The following DTYMK variants were observed in gnomAD, a reference collection of about 807,000 sequenced individuals.
DTYMK encodes thymidylate kinase.
DTYMK carries 20 observed loss-of-function variants against 20.3 expected under a neutral mutation model. That is an observed-to-expected ratio of 0.99 (90% confidence interval 0.69 to 1.43). The LOEUF is 1.43. Among genes scored for constraint, DTYMK ranks in the 40% most tolerant of loss-of-function variants. The probability of loss-of-function intolerance (pLI) is 0.00; values close to 1 mark genes in which losing one functional copy is unlikely to be tolerated. For synonymous variants in DTYMK, 148 were observed against 124.4 expected (o/e 1.19, Z -1.27); for missense variants, 320 against 291.1 (o/e 1.10, Z -0.72).
At position 241,675,968 on chromosome 2, in the gene DTYMK, C is replaced by T. The variant is rs1397904767; in HGVS notation, c.*159G>A. The T allele has an allele frequency of 1.4e-6, 1 of 709,762 alleles. No homozygotes were observed. The highest frequency in any genetic ancestry group is 3.2e-5 in the Admixed American group (1 of 31,512). The allele number at this position is 709,762 out of a possible 1,614,324, so 44.0% of individuals were successfully genotyped here. A position where few individuals can be genotyped will look rare whatever the true frequency, so the allele number is the denominator to read the frequency against. On this transcript the variant is annotated 3_prime_UTR_variant, in exon 5 of 5. Coordinates refer to ENST00000305784, the MANE Select transcript of DTYMK (RefSeq NM_012145.4). ...CCCACCACGGGGGTCCCCAGTGCAC[C>T]CCAGCTCCGGGGCAGAAGAGGCAGC...
Position 241,685,763 on chromosome 2 carries a change from T to C in DTYMK, c.239+6A>G. 4 of 1,613,594 alleles carry C rather than the reference T, an allele frequency of 2.5e-6. No individual in the cohort carries two copies. Among genetic ancestry groups the C allele is most frequent in the Non-Finnish European group, 3.4e-6 (4 of 1,179,586 alleles). On this transcript the variant is annotated splice_donor_region_variant and intron_variant, in intron 2 of 4. Transcript: ENST00000305784. ...GGCAGAGGGAGCAGTGTGCAATGGT[T>C]TTTACACTTGTTCCCAGCGATTTGC...
At chr2:241,684,904 G>A (rs546147596) in intron 2 of DTYMK, among the ~76,000 whole-genome samples, 4 of 151,924 alleles carry the variant, frequency 2.6e-5, no homozygotes, top group East Asian at 1.9e-4. Flanking sequence ...TGTAGGGAGC[G>A]CTCTACATAC....
chr2:241,683,284 G>C (rs1032501583), intron 2 of DTYMK, among the ~76,000 whole-genome samples: 3 of 152,230 alleles, frequency 2.0e-5, no homozygotes, highest in African/African-American at 7.2e-5. Context: ...AGGGTCTGGA[G>C]CAATAGCAAC....
rs1002367861 is a variant in DTYMK at position 241,675,977 on chromosome 2, G to A, written c.*150C>T. 21 of 754,016 alleles carry A rather than the reference G, an allele frequency of 2.8e-5. No homozygotes were observed. Among genetic ancestry groups the A allele is most frequent in the African/African-American group, 1.8e-4 (10 of 55,840 alleles). 46.7% of individuals were successfully genotyped at this position (754,016 alleles called of 1,614,324 possible). On this transcript the variant is annotated 3_prime_UTR_variant, in exon 5 of 5. Coordinates refer to ENST00000305784, the MANE Select transcript of DTYMK (RefSeq NM_012145.4). ...GGGGTCCCCAGTGCACCCCAGCTCC[G>A]GGGCAGAAGAGGCAGCCTGCAGATC...
At chr2:241,678,782 T>A in intron 3 of DTYMK, 133 bp from the exon 4 acceptor site, 1 of 1,037,492 alleles carries the variant, frequency 9.6e-7, no homozygotes, top group Non-Finnish European at 1.4e-6. Flanking sequence ...TTGTGGCTCG[T>A]TTAATTTTTA....
At chr2:241,676,282 G>A (rs375960953) in intron 4 of DTYMK, 45 bp from the exon 5 acceptor site, 11 of 1,560,482 alleles carry the variant, frequency 7.0e-6, no homozygotes, top group Middle Eastern at 2.1e-4. Flanking sequence ...TCATCAGCAC[G>A]TTCCAGGCTG....
intron 2 of DTYMK, chr2:241,682,479 A>C (rs954320254): frequency 1.8e-5 from 5 of 284,776 alleles, no homozygotes; most frequent in Non-Finnish European, 3.5e-5. Context: ...ATAAGAAATC[A>C]ACCAACCCCC....
chr2:241,678,525 T>C lies in DTYMK; in HGVS notation c.455A>G (p.Glu152Gly). 6.2e-7 allele frequency: 1 copy of C among 1,614,212 alleles called. No individual in the cohort carries two copies. ...CGCCCGCTCCTGGAAAGCCCCGTTC[T>C]CATAGCGCTCATGGCCAAACGCTCC... is the stretch of plus-strand genomic sequence containing the variant. ...KRGAFGHERYENGAFQERALR... is the reference protein window; with the variant it reads ...KRGAFGHERYGNGAFQERALR... The change falls in exon 4 of 5, where the codon GAG becomes GGG. Residue 152 changes from glutamate to glycine, a missense_variant. By Grantham distance (98) the Glu-to-Gly change is moderately conservative (BLOSUM62 -2). Coordinates refer to ENST00000305784, the MANE Select transcript of DTYMK (RefSeq NM_012145.4).
At chr2:241,678,684 G>A (rs749106283) in intron 3 of DTYMK, 35 bp from the exon 4 acceptor site, 27 of 1,602,778 alleles carry the variant, frequency 1.7e-5, no homozygotes, top group Non-Finnish European at 2.3e-5. Context: ...AAAGCTTAGT[G>A]TAGTCTAGGT....
At chr2:241,685,981 G>C (rs1386166384) in intron 1 of DTYMK, 104 bp from the exon 2 acceptor site, 1 of 1,188,398 alleles carries the variant, frequency 8.4e-7, no homozygotes, top group East Asian at 2.4e-5. Flanking sequence ...GTCTCACGTT[G>C]AATTTTACTT....
rs377554913 is a variant in DTYMK, at chr2:241,678,504, C to T, written c.476G>A (p.Arg159Gln). 1.5e-5 allele frequency: 24 copies of T among 1,614,076 alleles called. No individual in the cohort carries two copies. The Admixed American group carries it at 1.7e-4, about 11-fold the overall frequency. The change falls in exon 4 of 5, where the codon CGG (arginine) becomes CAG (glutamine). Residue 159 changes from arginine to glutamine, a missense_variant. By Grantham distance (43) the Arg-to-Gln change is conservative. Transcript: ENST00000305784. ...GAGCTGGTGGAAACACCGGAGCGCC[C>T]GCTCCTGGAAAGCCCCGTTCTCATA... ...ERYENGAFQE[R>Q]ALRCFHQLMK...
chr2:241,685,031 TA>T (rs113063977), intron 2 of DTYMK: 4,286 of 144,502 alleles, frequency 0.03, 10 homozygotes, highest in South Asian at 0.08. Context: ...GACTCTACAT[TA>T]AAAAAAAAAA....
chr2:241,686,021 C>A (rs571044936), intron 1 of DTYMK, 144 bp from the exon 2 acceptor site: 15 of 746,534 alleles, frequency 2.0e-5, no homozygotes, highest in Non-Finnish European at 3.1e-5. Flanking sequence ...CTTGGATCTT[C>A]TGCGGAAGCC....
In DTYMK at chr2:241,676,198, C is replaced by T. The variant is rs2069112572; in HGVS notation, c.568G>A (p.Asp190Asn). Residue 190 changes from aspartate (D) to asparagine (N), a missense_variant, in exon 5 of 5, where the codon GAC becomes AAC. By Grantham distance (23) the Asp-to-Asn change is conservative. Transcript: ENST00000305784. ...ASKSIEAVHE[D>N]IRVLSEDAIR... The stretch of plus-strand genomic sequence containing the variant: ...GCGTCCTCAGAGAGCACGCGGATGT[C>T]CTCATGGACAGCTTCGATGCTTTTG... 2.5e-6 allele frequency: 4 copies of T among 1,613,262 alleles called. No homozygotes were observed. The highest frequency in any genetic ancestry group is 3.4e-6 in the Non-Finnish European group (4 of 1,179,862).
rs1553575077 is a variant in DTYMK at position 241,679,971 on chromosome 2, C to CCA, written c.330+257_330+258insTG. Among the ~76,000 whole-genome samples the CCA allele has an allele frequency of 2.1e-3, 212 of 101,860 alleles. 3 individuals carry two copies. The highest frequency in any genetic ancestry group is 5.9e-3 in the Middle Eastern group (1 of 170). 66.8% of individuals were successfully genotyped at this position (101,860 alleles called of 152,430 possible). A position where few individuals can be genotyped will look rare whatever the true frequency, so the allele number is the denominator to read the frequency against. On this transcript the variant is annotated intron_variant, in intron 3 of 4. Coordinates refer to ENST00000305784, the MANE Select transcript of DTYMK (RefSeq NM_012145.4). ...GTGACAGAATGAGAGACTGTCTCCC[C>CCA]AAAAAAAAAAAAAAAAGCGTGTGGA... is the stretch of plus-strand genomic sequence containing the variant.
rs375898895 is a variant in DTYMK at position 241,680,425 on chromosome 2, C to T, written c.240-106G>A. ...TGCGCAGTGGCTCACCCCTATAATC[C>T]CAGCGCTTTGGGAGGCTGAGGCGGG... On this transcript the variant is annotated intron_variant, in intron 2 of 4. Transcript: ENST00000305784. 8 of 1,259,324 alleles carry T rather than the reference C, an allele frequency of 6.4e-6. No homozygotes were observed. In the East Asian group the frequency reaches 1.2e-4, roughly 20 times the overall value. The allele number at this position is 1,259,324 out of a possible 1,614,324, so 78.0% of individuals were successfully genotyped here. A position where few individuals can be genotyped will look rare whatever the true frequency, so the allele number is the denominator to read the frequency against.
At chr2:241,682,183 T>A (rs1185713486) in intron 2 of DTYMK, 1 of 446,382 alleles carries the variant, frequency 2.2e-6, no homozygotes, top group South Asian at 1.6e-5. Flanking sequence ...CTACAAAAAA[T>A]TTTACAAAAA....
At chr2:241,682,297 C>T (rs933012178) in intron 2 of DTYMK, 13 of 449,996 alleles carry the variant, frequency 2.9e-5, no homozygotes, top group South Asian at 7.8e-5. Context: ...GCTGTGATTG[C>T]GCACTGCACT....
chr2:241,676,906 C>T (rs921646074), intron 4 of DTYMK, among the ~76,000 whole-genome samples: 1 of 152,262 alleles, frequency 6.6e-6, no homozygotes, highest in African/African-American at 2.4e-5. Flanking sequence ...AGTTCCGCAG[C>T]AGAAGCCAGA....
Sources: gnomAD v4.1 joint callset for allele counts (sites outside exome capture counted in the v4.1 genomes callset) on GRCh38, gnomAD v4.1.1 for gene constraint, MANE v1.5 for transcripts, NCBI Gene and HGNC (gene_info 2026-07-23, HGNC 2026-07-21) for gene names.